Variants in TMTC2 observed in about 807,000 individuals in gnomAD.
TMTC2 encodes the protein protein O-mannosyl-transferase TMTC2.
In TMTC2, 43 loss-of-function variants were observed where a neutral mutation model predicts 82.4. The observed-to-expected ratio is 0.52, with a 90% CI of 0.41 to 0.67. The LOEUF (loss-of-function observed/expected upper bound fraction) is 0.67, where lower values mean the gene tolerates loss of function less well. Among genes scored for constraint, TMTC2 ranks in the 30% least tolerant of loss-of-function variants. TMTC2 has a pLI of 0.00. For missense variants in TMTC2, 919 were observed against 1,012.4 expected (o/e 0.91, Z 1.25); for synonymous variants, 408 against 381.9 (o/e 1.07, Z -0.80).
chr12:83,058,942 A>G (rs1315548163), intron 10 of TMTC2, among the ~76,000 whole-genome samples: 1 of 151,864 alleles, frequency 6.6e-6, no homozygotes, highest in Non-Finnish European at 1.5e-5. Context: ...CCTCGTTTTT[A>G]AAATGTGGTT....
chr12:82,799,861 C>A (rs1183468323), intron 1 of TMTC2, among the ~76,000 whole-genome samples: 1 of 152,188 alleles, frequency 6.6e-6, no homozygotes, highest in Non-Finnish European at 1.5e-5. Flanking sequence ...CGGCAAGGAA[C>A]ATCAAGTTTC....
At chr12:82,932,025 G>A (rs1041510492) in intron 4 of TMTC2, among the ~76,000 whole-genome samples, 2 of 152,110 alleles carry the variant, frequency 1.3e-5, no homozygotes, top group Non-Finnish European at 2.9e-5. Flanking sequence ...TGCGGCTTGT[G>A]TTTAATGAAT....
At chr12:83,056,952 T>A (rs1486551207) in intron 10 of TMTC2, among the ~76,000 whole-genome samples, 1 of 151,904 alleles carries the variant, frequency 6.6e-6, no homozygotes, top group Non-Finnish European at 1.5e-5. Context: ...CTTGTGATTT[T>A]ACGCTTCTAG....
intron 3 of TMTC2, among the ~76,000 whole-genome samples, chr12:82,919,420 A>C (rs1183969405): frequency 3.3e-5 from 5 of 152,228 alleles, no homozygotes; most frequent in Admixed American, 2.0e-4. Flanking sequence ...CCAGGCACCC[A>C]AAATTTATGT....
intron 6 of TMTC2, 112 bp downstream of exon 6, chr12:82,965,856 A>G: frequency 1.8e-6 from 2 of 1,102,026 alleles, no homozygotes; most frequent in East Asian, 2.4e-5. Flanking sequence ...ACTAATATGT[A>G]TACACGTTAA....
At chr12:82,812,397 C>A (rs1387235102) in intron 1 of TMTC2, among the ~76,000 whole-genome samples, 1 of 151,848 alleles carries the variant, frequency 6.6e-6, no homozygotes, top group East Asian at 1.9e-4. Flanking sequence ...AAGTAATGGC[C>A]CAACTGGAAA....
intron 4 of TMTC2, among the ~76,000 whole-genome samples, chr12:82,962,097 A>G (rs1877966916): frequency 6.6e-6 from 1 of 152,060 alleles, no homozygotes; most frequent in Non-Finnish European, 1.5e-5. Context: ...TAAGGCAGGC[A>G]GAACAGGGTT....
intron 7 of TMTC2, among the ~76,000 whole-genome samples, chr12:82,981,933 A>G (rs943344478): frequency 2.6e-5 from 4 of 151,080 alleles, no homozygotes; most frequent in Admixed American, 2.6e-4. Flanking sequence ...AAGACTTTTG[A>G]TAGTATTTGT....
intron 8 of TMTC2, among the ~76,000 whole-genome samples, chr12:82,998,100 G>T (rs1400959035): frequency 6.6e-6 from 1 of 152,188 alleles, no homozygotes; most frequent in Non-Finnish European, 1.5e-5. Context: ...TAGACCTTGA[G>T]TTGGTGACAG....
At chr12:83,094,195 AG>A (rs1200155569) in intron 11 of TMTC2, among the ~76,000 whole-genome samples, 1 of 152,236 alleles carries the variant, frequency 6.6e-6, no homozygotes, top group Non-Finnish European at 1.5e-5. Flanking sequence ...GGGGGCACCA[AG>A]TATGGTTAGG....
intron 2 of TMTC2, among the ~76,000 whole-genome samples, chr12:82,864,114 C>T (rs924721671): frequency 6.6e-6 from 1 of 152,108 alleles, no homozygotes; most frequent in African/African-American, 2.4e-5. Context: ...CAGAAAATTA[C>T]TGGGTACCAT....
At chr12:83,033,032 A>C (rs1034576735) in intron 9 of TMTC2, among the ~76,000 whole-genome samples, 3 of 152,232 alleles carry the variant, frequency 2.0e-5, no homozygotes, top group Non-Finnish European at 2.9e-5. Flanking sequence ...GTATAATTAA[A>C]TATAATTTTA....
intron 1 of TMTC2, among the ~76,000 whole-genome samples, chr12:82,724,186 T>G (rs554778291): frequency 6.6e-6 from 1 of 152,202 alleles, no homozygotes; most frequent in Non-Finnish European, 1.5e-5. Flanking sequence ...AATCATTTAT[T>G]AACTTTGGAG....
At chr12:82,704,242 ATT>A (rs925589012) in intron 1 of TMTC2, among the ~76,000 whole-genome samples, 1 of 152,130 alleles carries the variant, frequency 6.6e-6, no homozygotes, top group African/African-American at 2.4e-5. Flanking sequence ...TTTTATTTTT[ATT>A]TCTTTTTCTG....
chr12:83,078,022 G>C (rs1311962795), intron 11 of TMTC2, among the ~76,000 whole-genome samples: 1 of 151,538 alleles, frequency 6.6e-6, no homozygotes, highest in Non-Finnish European at 1.5e-5. Flanking sequence ...ATTTCTAAGG[G>C]ACAACATCAA....
intron 1 of TMTC2, among the ~76,000 whole-genome samples, chr12:82,757,164 G>T (rs1373199984): frequency 6.6e-6 from 1 of 152,190 alleles, no homozygotes; most frequent in East Asian, 1.9e-4. Context: ...GGTAGAGCTT[G>T]CAGTTTAAAT....
At chr12:82,996,525 A>G (rs76533471) in intron 8 of TMTC2, among the ~76,000 whole-genome samples, 2,720 of 152,320 alleles carry the variant, frequency 0.018, 94 homozygotes, top group African/African-American at 0.062. Flanking sequence ...AGGATGAGGT[A>G]CATTCTTGAG....
chr12:82,852,697 G>A (rs548282964), intron 1 of TMTC2, among the ~76,000 whole-genome samples: 31 of 152,296 alleles, frequency 2.0e-4, no homozygotes, highest in Middle Eastern at 6.8e-3. Flanking sequence ...AGAAGGAAAT[G>A]CAAATGAATC....
intron 8 of TMTC2, among the ~76,000 whole-genome samples, chr12:83,019,882 C>G (rs1442712842): frequency 6.6e-6 from 1 of 152,104 alleles, no homozygotes; most frequent in South Asian, 2.1e-4. Context: ...GACTGATAAG[C>G]CAGGTATGCC....
Sources: allele counts gnomAD v4.1 joint callset (sites outside exome capture counted in the v4.1 genomes callset), GRCh38; gene constraint gnomAD v4.1.1; transcripts MANE v1.5; gene names NCBI Gene and HGNC (gene_info 2026-07-23, HGNC 2026-07-21).